SPEG: variants seen among roughly 807,000 people sequenced by gnomAD.
The protein encoded by SPEG is striated muscle preferentially expressed protein kinase.
In SPEG, 114 loss-of-function variants were observed where a neutral mutation model predicts 300.4. The observed-to-expected ratio is 0.38, with a 90% CI of 0.33 to 0.44. The LOEUF (loss-of-function observed/expected upper bound fraction) is 0.44. SPEG is among the 20% of genes least tolerant of loss of function. SPEG has a pLI of 1.00. For missense variants in SPEG, 4,201 were observed against 4,586.2 expected (o/e 0.92, Z 2.43); for synonymous variants, 1,964 against 2,018.9 (o/e 0.97, Z 0.73).
rs1688952871 is a variant in SPEG, at chr2:219,442,012, C to A, written c.389-2641C>A. ...GACTCCGCCCCGCCCCCGCCCGTCC[C>A]CTCCTCGCCCGGCCGCCGGCCCGGC... is the stretch of plus-strand genomic sequence containing the variant. On this transcript the variant is annotated intron_variant, in intron 1 of 40. Transcript: ENST00000312358. 4 of 689,786 alleles carry A rather than the reference C, an allele frequency of 5.8e-6. No homozygotes were observed. The South Asian group carries it at 2.8e-4, about 48-fold the overall frequency. 42.7% of individuals were successfully genotyped at this position (689,786 alleles called of 1,614,324 possible).
rs367845533 is a variant in SPEG, at chr2:219,477,780, C to T, written c.4821C>T (p.Ile1607=). Residue 1607 remains isoleucine (I), a synonymous_variant, in exon 21 of 41, where the codon ATC becomes ATT. Transcript: ENST00000312358. The surrounding 1 kb of genome is among the most constrained non-coding windows in gnomAD (Gnocchi z 6.4). ...LSDFYDIHQE[I]GRGAFSYLRR... is the part of the protein sequence containing the mutation. ...ACTTTTATGACATCCACCAGGAGAT[C>T]GGCAGGTGTGGGGCTAGGAGGGAAG... is the stretch of plus-strand genomic sequence containing the variant. The T allele has an allele frequency of 4.4e-6, 7 of 1,606,644 alleles. No individual in the cohort carries two copies. The highest frequency in any genetic ancestry group is 4.5e-5 in the East Asian group (2 of 44,808).
At position 219,448,630 on chromosome 2, in the gene SPEG, A is replaced by G; in HGVS notation, c.1472A>G (p.Glu491Gly). 1.3e-6 allele frequency: 2 copies of G among 1,483,030 alleles called. No individual in the cohort carries two copies. The highest frequency in any genetic ancestry group is 1.8e-6 in the Non-Finnish European group (2 of 1,124,670). 91.9% of individuals were successfully genotyped at this position (1,483,030 alleles called of 1,614,324 possible). Residue 491 changes from glutamate to glycine, a missense_variant, in exon 4 of 41, where the codon GAG becomes GGG. Around this residue, in one of 4 missense-constraint regions of SPEG, gnomAD observed 1,258 missense variants for 1,293.9 expected, o/e 0.97. Coordinates refer to ENST00000312358, the MANE Select transcript of SPEG (RefSeq NM_005876.5). ...CAGCGCAGCCCGGCCTCAGACCTCG[A>G]GCTGCGCTTCGCCCAGGAGCTGGGC... ...TRQRSPASDL[E>G]LRFAQELGRI...
At chr2:219,460,718 T>C in intron 6 of SPEG, 1 of 980,712 alleles carries the variant, frequency 1.0e-6, no homozygotes, top group Non-Finnish European at 1.2e-6. Context: ...CTGCCTGTGG[T>C]CTCGGCAGGC....
intron 32 of SPEG, 33 bp from the exon 33 acceptor site, chr2:219,488,465 T>G (rs1301000103): frequency 6.5e-7 from 1 of 1,541,030 alleles, no homozygotes; most frequent in Non-Finnish European, 8.8e-7. Flanking sequence ...GCTGCCTCAC[T>G]CAGCAGCAAC....
intron 6 of SPEG, among the ~76,000 whole-genome samples, chr2:219,452,019 C>T (rs191731359): frequency 6.2e-4 from 94 of 152,362 alleles, no homozygotes; most frequent in Admixed American, 2.0e-3. Flanking sequence ...ATCCCCAAGG[C>T]GCACAGAAGG....
rs561711337 is a variant in SPEG at position 219,469,321 on chromosome 2, C to A, written c.3657C>A (p.Ile1219=). 1 of 1,613,972 alleles carries A rather than the reference C, an allele frequency of 6.2e-7. No individual in the cohort carries two copies. Among genetic ancestry groups the A allele is most frequent in the African/African-American group, 1.3e-5 (1 of 75,036 alleles). Residue 1219 remains isoleucine, a synonymous_variant, in exon 13 of 41, where the codon ATC becomes ATA. Transcript: ENST00000312358. ...CQVTGLPYPT[I]SWFHNGHRIQ... is the part of the protein sequence containing the mutation. ...TGACCGGCCTGCCCTACCCCACCAT[C>A]AGCTGGTTCCACAATGGCCACCGCA...
chr2:219,486,282 A>T (rs1388114702), intron 31 of SPEG, among the ~76,000 whole-genome samples: 1 of 152,154 alleles, frequency 6.6e-6, no homozygotes, highest in Non-Finnish European at 1.5e-5. Flanking sequence ...AGGCTTCGGG[A>T]GGTTGGGTTT....
At chr2:219,476,381 G>A (rs927659013) in intron 18 of SPEG, among the ~76,000 whole-genome samples, 2 of 152,160 alleles carry the variant, frequency 1.3e-5, no homozygotes, top group Non-Finnish European at 2.9e-5. Context: ...CACCTGCAGG[G>A]GCCAAGTTCA....
Position 219,482,836 on chromosome 2 carries a change from C to T in SPEG, c.5618C>T (p.Ser1873Phe). The change falls in exon 29 of 41, where the codon TCC (serine) becomes TTC (phenylalanine). Residue 1873 changes from serine (S) to phenylalanine (F), a missense_variant. Ser to Phe is a radical substitution (Grantham distance 155). Coordinates refer to ENST00000312358, the MANE Select transcript of SPEG (RefSeq NM_005876.5). ...VSTDHLKLFL[S>F]RRRWQRSQIS... is the part of the protein sequence containing the mutation. ...ACGGATCACCTGAAGCTATTCCTCTCCCGGCGGAGGTGGCAGGTAAGTGTG... is the reference window on the plus strand; with the variant it reads ...ACGGATCACCTGAAGCTATTCCTCTTCCGGCGGAGGTGGCAGGTAAGTGTG... 1 of 1,613,866 alleles carries T rather than the reference C, an allele frequency of 6.2e-7. No homozygotes were observed. Among genetic ancestry groups the T allele is most frequent in the Non-Finnish European group, 8.5e-7 (1 of 1,179,932 alleles).
intron 9 of SPEG, 70 bp from the exon 10 acceptor site, chr2:219,467,104 C>T (rs532354225): frequency 3.0e-5 from 44 of 1,474,692 alleles, no homozygotes; most frequent in East Asian, 2.3e-5. Flanking sequence ...TCTGTGCGTG[C>T]GTATGTGTGT....
chr2:219,464,364 C>T lies in SPEG; in HGVS notation c.2706-69C>T. The T allele has an allele frequency of 6.7e-7, 1 of 1,485,496 alleles. No individual in the cohort carries two copies. The highest frequency in any genetic ancestry group is 1.8e-5 in the Admixed American group (1 of 55,994). The allele number at this position is 1,485,496 out of a possible 1,614,324, so 92.0% of individuals were successfully genotyped here. On this transcript the variant is annotated intron_variant, in intron 8 of 40. Transcript: ENST00000312358. The surrounding 1 kb of genome is among the most constrained non-coding windows in gnomAD (Gnocchi z 4.5). Reference sequence around the variant, plus strand: ...GGAAGGAGAGGCCTGCACAGTGCTGCAGCCCCAGTTCCTGTGCACGCACAT... The same window carrying T: ...GGAAGGAGAGGCCTGCACAGTGCTGTAGCCCCAGTTCCTGTGCACGCACAT...
At position 219,489,826 on chromosome 2, in the gene SPEG, G is replaced by C. The variant is rs1406651117; in HGVS notation, c.8808G>C (p.Lys2936Asn). The C allele has an allele frequency of 6.2e-7, 1 of 1,613,540 alleles. No homozygotes were observed. The highest frequency in any genetic ancestry group is 1.7e-5 in the Admixed American group (1 of 60,012). Residue 2936 changes from lysine (K) to asparagine (N), a missense_variant, in exon 36 of 41, where the codon AAG becomes AAC. Coordinates refer to ENST00000312358, the MANE Select transcript of SPEG (RefSeq NM_005876.5). ...CTGTGCAGAGCCTCAGCCCGGCCAA[G>C]GAGGTGGTCAGCTCCCCTGGGAGCA... ...KVTVQSLSPAKEVVSSPGSSP... is the reference protein window; with the variant it reads ...KVTVQSLSPANEVVSSPGSSP...
chr2:219,464,419 T>C lies in SPEG; in HGVS notation c.2706-14T>C, dbSNP rs1691060617. On this transcript the variant is annotated splice_polypyrimidine_tract_variant and intron_variant, in intron 8 of 40. Coordinates refer to ENST00000312358, the MANE Select transcript of SPEG (RefSeq NM_005876.5). The surrounding 1 kb of genome is among the most constrained non-coding windows in gnomAD (Gnocchi z 4.5). ...CCCCTGGGCCCTGGGACTGAGTTCT[T>C]GCCCCTCTGACAGGCTGAGAAACCG... 6.2e-7 allele frequency: 1 copy of C among 1,604,118 alleles called. No individual in the cohort carries two copies. The highest frequency in any genetic ancestry group is 1.7e-5 in the Admixed American group (1 of 59,816).
chr2:219,466,161 C>T, intron 9 of SPEG: 1 of 1,530,006 alleles, frequency 6.5e-7, no homozygotes, highest in South Asian at 1.2e-5. Context: ...GCCTCCTGCC[C>T]ACAGACCCAG....
Position 219,476,854 on chromosome 2 carries a change from T to A in SPEG, c.4448-16T>A, listed in dbSNP as rs199980798. The A allele has an allele frequency of 6.2e-7, 1 of 1,602,632 alleles. No homozygotes were observed. The highest frequency in any genetic ancestry group is 8.5e-7 in the Non-Finnish European group (1 of 1,170,072). On this transcript the variant is annotated splice_polypyrimidine_tract_variant and intron_variant, in intron 18 of 40. Transcript: ENST00000312358. ...CTAGCCCCTTCTCTTCCCACCCCTA[T>A]CCCCATGTGTTTCAGAGGCCCCTCG...
Position 219,444,563 on chromosome 2 carries a change from C to G in SPEG, c.389-90C>G, listed in dbSNP as rs547077827. Reference sequence around the variant, plus strand: ...CAGCCCTGCCAGTGATAAGATGGAGCCTGCTGTTGGCAGGGAGGCAGAAGG... The same window carrying G: ...CAGCCCTGCCAGTGATAAGATGGAGGCTGCTGTTGGCAGGGAGGCAGAAGG... On this transcript the variant is annotated intron_variant, in intron 1 of 40. Coordinates refer to ENST00000312358, the MANE Select transcript of SPEG (RefSeq NM_005876.5). This position sits in a 1 kb window ranked among gnomAD's most constrained non-coding sequence, Gnocchi z 7.8. The G allele has an allele frequency of 1.6e-5, 17 of 1,082,908 alleles. No individual in the cohort carries two copies. In the South Asian group the frequency reaches 2.0e-4, roughly 13 times the overall value. 67.1% of individuals were successfully genotyped at this position (1,082,908 alleles called of 1,614,324 possible).
chr2:219,481,773 A>G lies in SPEG; in HGVS notation c.5565+93A>G. The G allele has an allele frequency of 8.8e-7, 1 of 1,138,824 alleles. No homozygotes were observed. Among genetic ancestry groups the G allele is most frequent in the South Asian group, 1.3e-5 (1 of 79,740 alleles). The allele number at this position is 1,138,824 out of a possible 1,614,324, so 70.5% of individuals were successfully genotyped here. ...TTATTGAGTACCTACTGTGTGCAGTAACCACGTTAGGCATTGTATGTACAT... is the reference window on the plus strand; with the variant it reads ...TTATTGAGTACCTACTGTGTGCAGTGACCACGTTAGGCATTGTATGTACAT... On this transcript the variant is annotated intron_variant, in intron 28 of 40. Transcript: ENST00000312358. The surrounding 1 kb of genome is among the most constrained non-coding windows in gnomAD (Gnocchi z 5.4).
chr2:219,449,212 G>A lies in SPEG; in HGVS notation c.2054G>A (p.Arg685His). ...GACGGTCCCTGGGGGCCCTGGGACC[G>A]CCGAGGGGCCCGCAGCCAGGGCAAA... ...EEDGPWGPWD[R>H]RGARSQGKGR... The change falls in exon 4 of 41, where the codon CGC becomes CAC. Residue 685 changes from arginine to histidine, a missense_variant. Coordinates refer to ENST00000312358, the MANE Select transcript of SPEG (RefSeq NM_005876.5). 2 of 1,393,694 alleles carry A rather than the reference G, an allele frequency of 1.4e-6. No homozygotes were observed. Among genetic ancestry groups the A allele is most frequent in the Non-Finnish European group, 1.9e-6 (2 of 1,074,554 alleles). 86.3% of individuals were successfully genotyped at this position (1,393,694 alleles called of 1,614,324 possible). A position where few individuals can be genotyped will look rare whatever the true frequency, so the allele number is the denominator to read the frequency against.
Position 219,473,374 on chromosome 2 carries a change from C to A in SPEG, c.4148-130C>A, listed in dbSNP as rs1436042009. On this transcript the variant is annotated intron_variant, in intron 16 of 40. Transcript: ENST00000312358. This position sits in a 1 kb window ranked among gnomAD's most constrained non-coding sequence, Gnocchi z 4.6. ...TGTGTTCCCCTGACAAATCGCTAAA[C>A]CTCTCTGAGCTTCAGCTTTCCCATC... The A allele has an allele frequency of 6.1e-6, 6 of 980,300 alleles. No homozygotes were observed. Among genetic ancestry groups the A allele is most frequent in the African/African-American group, 1.6e-5 (1 of 61,790 alleles). The allele number at this position is 980,300 out of a possible 1,614,324, so 60.7% of individuals were successfully genotyped here.
Sources: allele counts gnomAD v4.1 joint callset (sites outside exome capture counted in the v4.1 genomes callset), GRCh38; gene constraint gnomAD v4.1.1; regional missense constraint gnomAD v4.1.1; non-coding constraint Gnocchi (gnomAD v3.1); transcripts MANE v1.5; gene names NCBI Gene and HGNC (gene_info 2026-07-23, HGNC 2026-07-21).